The following PKP4 variants were observed in gnomAD, a reference collection of about 807,000 sequenced individuals.
PKP4 encodes plakophilin-4.
A neutral mutation model predicts 145.1 loss-of-function variants in PKP4; 90 were observed. The ratio of observed to expected loss-of-function variants is 0.62; its 90% CI spans 0.52 to 0.74. PKP4 has a LOEUF of 0.74. PKP4 is among the 30% of genes least tolerant of loss of function. The pLI is 0.00. For missense variants in PKP4, 1,340 were observed against 1,482.7 expected, an observed-to-expected ratio of 0.90 and a Z score of 1.58; for synonymous variants, 563 against 577.2, an observed-to-expected ratio of 0.98 and a Z score of 0.35.
chr2:158,513,412 T>C (rs1416524493), intron 1 of PKP4, among the ~76,000 whole-genome samples: 1 of 152,196 alleles, frequency 6.6e-6, no homozygotes, highest in Non-Finnish European at 1.5e-5. Context: ...TGTCCTTAAG[T>C]AGCCCACTTG....
At chr2:158,478,183 A>T (rs767869016) in intron 1 of PKP4, among the ~76,000 whole-genome samples, 2 of 151,890 alleles carry the variant, frequency 1.3e-5, no homozygotes, top group African/African-American at 4.8e-5. Context: ...TTATAGCTTT[A>T]TCCCAGATTT....
At chr2:158,665,138 T>C (rs529500042) in intron 15 of PKP4, among the ~76,000 whole-genome samples, 4 of 152,262 alleles carry the variant, frequency 2.6e-5, no homozygotes, top group Non-Finnish European at 5.9e-5. Flanking sequence ...TGTTATCAAG[T>C]AAGAAGCTAT....
intron 2 of PKP4, among the ~76,000 whole-genome samples, chr2:158,538,238 A>C (rs2044226376): frequency 6.6e-6 from 1 of 152,188 alleles, no homozygotes. Context: ...ACAAGGAAAC[A>C]GTGAGCCAAG....
intron 4 of PKP4, among the ~76,000 whole-genome samples, chr2:158,620,409 G>A (rs1174254155): frequency 6.6e-6 from 1 of 152,024 alleles, no homozygotes; most frequent in African/African-American, 2.4e-5. Context: ...ACAATGGTTA[G>A]GTTAGACTTG....
chr2:158,639,553 C>T lies in PKP4; in HGVS notation c.1563-1074C>T, dbSNP rs146661605. Among the ~76,000 whole-genome samples the T allele has an allele frequency of 4.5e-3, 688 of 152,198 alleles. 1 individual carries two copies. Among genetic ancestry groups the T allele is most frequent in the African/African-American group, 0.015 (632 of 41,498 alleles). On this transcript the variant is annotated intron_variant, in intron 9 of 21. Coordinates refer to ENST00000389759, the MANE Select transcript of PKP4 (RefSeq NM_003628.6). ...ATTCTTTTTTTTAATAAACAACTAACTTTATCCTGTAATCAGAGTCTGCAT... is the reference window on the plus strand; with the variant it reads ...ATTCTTTTTTTTAATAAACAACTAATTTTATCCTGTAATCAGAGTCTGCAT...
At chr2:158,582,829 AC>A (rs1342133519) in intron 3 of PKP4, among the ~76,000 whole-genome samples, 1 of 152,240 alleles carries the variant, frequency 6.6e-6, no homozygotes, top group Non-Finnish European at 1.5e-5. Flanking sequence ...GTCTGACACT[AC>A]AGCTTGGCTC....
chr2:158,540,783 A>G (rs2044452080), intron 2 of PKP4, among the ~76,000 whole-genome samples: 1 of 152,194 alleles, frequency 6.6e-6, no homozygotes, highest in African/African-American at 2.4e-5. Context: ...TGAAAGTAAT[A>G]GAATATTTTT....
intron 1 of PKP4, among the ~76,000 whole-genome samples, chr2:158,485,626 C>T (rs146887250): frequency 1.9e-4 from 29 of 152,296 alleles, no homozygotes; most frequent in African/African-American, 6.7e-4. Context: ...TGTGATGAAT[C>T]ACTGAGCTTA....
chr2:158,673,835 A>T (rs775153655), intron 18 of PKP4, 48 bp from the exon 19 acceptor site: 1 of 1,471,268 alleles, frequency 6.8e-7, no homozygotes, highest in Non-Finnish European at 9.5e-7. Flanking sequence ...ATTGTAATGA[A>T]ATGTCATTAT....
rs1276377689 is a variant in PKP4, at chr2:158,545,927, G to A, written c.132+12611G>A. On this transcript the variant is annotated intron_variant, in intron 2 of 21. Transcript: ENST00000389759. ...TTTTAAAAATATTTCAAAATTGGAA[G>A]CATATTTTTGGTTGTAGTAGATACT... Among the ~76,000 whole-genome samples, 6 of 152,278 alleles carry A rather than the reference G, an allele frequency of 3.9e-5. 1 individual carries two copies. The highest frequency in any genetic ancestry group is 7.4e-5 in the Non-Finnish European group (5 of 68,016).
chr2:158,504,633 G>A lies in PKP4; in HGVS notation c.-5-28547G>A, dbSNP rs532668788. Among the ~76,000 whole-genome samples the A allele has an allele frequency of 2.6e-5, 4 of 151,740 alleles. No individual in the cohort carries two copies. In the South Asian group the frequency reaches 8.3e-4, roughly 32 times the overall value. On this transcript the variant is annotated intron_variant, in intron 1 of 21. Transcript: ENST00000389759. ...AAAAGTTCTTTGAGGGTTGATTCAGGTTCATTTATTCAAGCTGGCCTTATG... is the reference window on the plus strand; with the variant it reads ...AAAAGTTCTTTGAGGGTTGATTCAGATTCATTTATTCAAGCTGGCCTTATG...
rs184201817 is a variant in PKP4, at chr2:158,468,096, A to C, written c.-6+10878A>C. 2.8e-3 allele frequency among the ~76,000 whole-genome samples: 433 copies of C among 152,340 alleles called. 2 individuals carry two copies. Among genetic ancestry groups the C allele is most frequent in the Non-Finnish European group, 4.5e-3 (308 of 68,028 alleles). On this transcript the variant is annotated intron_variant, in intron 1 of 21. Transcript: ENST00000389759. ...AGAGTTGCTATGAATATGTATGTAC[A>C]GTTTAGCATAAGTATACTTTTCTCT...
At chr2:158,643,332 TA>T (rs2054483737) in intron 11 of PKP4, among the ~76,000 whole-genome samples, 1 of 152,128 alleles carries the variant, frequency 6.6e-6, no homozygotes. Context: ...ATTGGCTGGA[TA>T]GGCAGAGGTC....
chr2:158,629,988 TC>T (rs2053202163), intron 7 of PKP4, among the ~76,000 whole-genome samples: 1 of 152,188 alleles, frequency 6.6e-6, no homozygotes, highest in African/African-American at 2.4e-5. Flanking sequence ...TGCCTCAGCC[TC>T]CCAAAGTGCT....
intron 7 of PKP4, among the ~76,000 whole-genome samples, chr2:158,630,921 A>G (rs1020922525): frequency 1.9e-5 from 2 of 107,404 alleles, no homozygotes; most frequent in Non-Finnish European, 4.3e-5. Context: ...GCCAAGAGAA[A>G]GTGTTTTTGT....
intron 1 of PKP4, among the ~76,000 whole-genome samples, chr2:158,479,504 G>A (rs971640502): frequency 7.2e-5 from 11 of 152,210 alleles, no homozygotes; most frequent in South Asian, 2.1e-4. Context: ...GATTACAGGC[G>A]TGAACCACTG....
At chr2:158,619,565 C>T (rs933162787) in intron 4 of PKP4, among the ~76,000 whole-genome samples, 1 of 152,200 alleles carries the variant, frequency 6.6e-6, no homozygotes, top group African/African-American at 2.4e-5. Flanking sequence ...TCTAAAGCAG[C>T]TTAATCAGCA....
chr2:158,595,705 A>G (rs1421429770), intron 3 of PKP4, among the ~76,000 whole-genome samples: 3 of 152,202 alleles, frequency 2.0e-5, no homozygotes, highest in African/African-American at 7.2e-5. Context: ...CGATATAGAA[A>G]TTTAAGTGTT....
At chr2:158,649,869 G>A (rs1408612403) in intron 11 of PKP4, among the ~76,000 whole-genome samples, 1 of 152,228 alleles carries the variant, frequency 6.6e-6, no homozygotes, top group African/African-American at 2.4e-5. Context: ...CAGTTTCTGA[G>A]TATGATGCTC....
Sources: allele counts gnomAD v4.1 joint callset (sites outside exome capture counted in the v4.1 genomes callset), GRCh38; gene constraint gnomAD v4.1.1; transcripts MANE v1.5; gene names NCBI Gene and HGNC (gene_info 2026-07-23, HGNC 2026-07-21).